The following AMD1 variants were observed in gnomAD, a reference collection of about 807,000 sequenced individuals.
AMD1 encodes the protein adenosylmethionine decarboxylase 1.
A neutral mutation model predicts 40.2 loss-of-function variants in AMD1; 11 were observed. The ratio of observed to expected loss-of-function variants is 0.27; its 90% CI spans 0.17 to 0.45. The LOEUF is 0.45. AMD1 is among the 20% of genes least tolerant of loss of function. AMD1 has a pLI of 1.00. For missense variants in AMD1, 257 were observed against 410.2 expected, an observed-to-expected ratio of 0.63 and a Z score of 3.23; for synonymous variants, 121 against 130.8, an observed-to-expected ratio of 0.93 and a Z score of 0.51.
chr6:110,819,477 ATG>A, the AMD1 span, among the ~76,000 whole-genome samples: 2 of 152,260 alleles, frequency 1.3e-5, no homozygotes, highest in Non-Finnish European at 2.9e-5. Context: ...AATTAATTAA[ATG>A]TGGGACTAAA....
chr6:110,859,528 C>G, the AMD1 span, among the ~76,000 whole-genome samples: 1 of 152,274 alleles, frequency 6.6e-6, no homozygotes, highest in East Asian at 1.9e-4. Flanking sequence ...TTTCTGTACC[C>G]GCAAAAGTTT....
chr6:110,870,127 C>T (rs1784888395), upstream of AMD1, among the ~76,000 whole-genome samples: 1 of 152,132 alleles, frequency 6.6e-6, no homozygotes, highest in Non-Finnish European at 1.5e-5. Context: ...GTTTAACAAC[C>T]GGTAAGTGTT....
At chr6:110,828,288 G>A in the AMD1 span, among the ~76,000 whole-genome samples, 3 of 151,972 alleles carry the variant, frequency 2.0e-5, no homozygotes, top group East Asian at 1.9e-4. Flanking sequence ...AAAATTAGCC[G>A]GGTATGGGTG....
At chr6:110,835,880 CA>C in the AMD1 span, among the ~76,000 whole-genome samples, 3 of 150,508 alleles carry the variant, frequency 2.0e-5, no homozygotes, top group Admixed American at 1.3e-4. Context: ...CCCCACCCCC[CA>C]AAAAAAATCA....
chr6:110,870,116 C>T (rs948162843), upstream of AMD1, among the ~76,000 whole-genome samples: 2 of 152,142 alleles, frequency 1.3e-5, no homozygotes, highest in African/African-American at 2.4e-5. Flanking sequence ...TGCTGGTAAA[C>T]GTTTAACAAC....
At chr6:110,875,590 G>T (rs1424099942) in intron 1 of AMD1, 3 of 172,604 alleles carry the variant, frequency 1.7e-5, no homozygotes, top group Non-Finnish European at 2.4e-5. Context: ...CCAGGTGGGG[G>T]TCGGGGGCGC....
chr6:110,857,765 G>GGT, the AMD1 span, among the ~76,000 whole-genome samples: 49 of 140,328 alleles, frequency 3.5e-4, no homozygotes, highest in Non-Finnish European at 4.0e-4. Context: ...ATATATAGAT[G>GGT]GTGTGTATAT....
chr6:110,893,967 A>G lies in AMD1; in HGVS notation c.*351A>G. The G allele has an allele frequency of 4.7e-6, 1 of 213,148 alleles. No homozygotes were observed. The highest frequency in any genetic ancestry group is 5.2e-5 in the Admixed American group (1 of 19,256). 13.2% of individuals were successfully genotyped at this position (213,148 alleles called of 1,614,324 possible). Reference sequence around the variant, plus strand: ...TAATATTTCTCCAAGTATCATCCAAAATTCCCCACAGACAAGGCTTTCGTC... The same window carrying G: ...TAATATTTCTCCAAGTATCATCCAAGATTCCCCACAGACAAGGCTTTCGTC... On this transcript the variant is annotated 3_prime_UTR_variant, in exon 9 of 9. Transcript: ENST00000368885.
intron 3 of AMD1, 21 bp downstream of exon 3, chr6:110,889,004 A>G (rs1303854998): frequency 6.2e-7 from 1 of 1,608,610 alleles, no homozygotes. Context: ...AAACATTTAA[A>G]TATTTTTCAG....
chr6:110,831,843 T>C, the AMD1 span, among the ~76,000 whole-genome samples: 1 of 152,070 alleles, frequency 6.6e-6, no homozygotes, highest in Non-Finnish European at 1.5e-5. Context: ...ATTCTTTTTT[T>C]AATTTATTTA....
At chr6:110,836,280 T>A in the AMD1 span, among the ~76,000 whole-genome samples, 99 of 152,218 alleles carry the variant, frequency 6.5e-4, 1 homozygote, top group Non-Finnish European at 2.6e-4. Context: ...GTTAAAAAAA[T>A]TTATGTATGA....
chr6:110,815,257 G>A, the AMD1 span: 1 of 1,022,344 alleles, frequency 9.8e-7, no homozygotes, highest in Non-Finnish European at 1.3e-6. Flanking sequence ...GCGCGCGCGC[G>A]CCGCCCGCCG....
intron 1 of AMD1, among the ~76,000 whole-genome samples, chr6:110,882,191 GCA>G (rs1785443451): frequency 6.6e-6 from 1 of 152,160 alleles, no homozygotes; most frequent in South Asian, 2.1e-4. Context: ...GTGTGCAGTG[GCA>G]CGATCTTGGC....
At chr6:110,830,800 G>A in the AMD1 span, among the ~76,000 whole-genome samples, 3 of 152,102 alleles carry the variant, frequency 2.0e-5, no homozygotes, top group Non-Finnish European at 2.9e-5. Context: ...TCTGCTCTGC[G>A]TCATCAATGC....
chr6:110,825,597 A>T, the AMD1 span, among the ~76,000 whole-genome samples: 1 of 152,206 alleles, frequency 6.6e-6, no homozygotes, highest in African/African-American at 2.4e-5. Flanking sequence ...CTCAGTAAGT[A>T]TAAGAGGGCT....
At chr6:110,841,559 T>C in the AMD1 span, among the ~76,000 whole-genome samples, 1 of 152,064 alleles carries the variant, frequency 6.6e-6, no homozygotes, top group African/African-American at 2.4e-5. Flanking sequence ...CTCTACCTAT[T>C]TAAGAAAATT....
the AMD1 span, chr6:110,858,248 A>G: frequency 2.1e-6 from 2 of 942,284 alleles, no homozygotes; most frequent in Non-Finnish European, 1.7e-6. Context: ...CATGAGCTCC[A>G]CGCAGTTCAA....
At chr6:110,886,752 G>A (rs1043151378) in intron 1 of AMD1, among the ~76,000 whole-genome samples, 3 of 152,186 alleles carry the variant, frequency 2.0e-5, no homozygotes, top group Non-Finnish European at 2.9e-5. Context: ...CAACCTGGGC[G>A]ACAGAGTGAG....
At chr6:110,842,318 AT>A in the AMD1 span, among the ~76,000 whole-genome samples, 31 of 152,352 alleles carry the variant, frequency 2.0e-4, no homozygotes, top group African/African-American at 6.7e-4. Context: ...GGGGGCAGAT[AT>A]GCTTACAGCA....
Sources: gnomAD v4.1 joint callset for allele counts (sites outside exome capture counted in the v4.1 genomes callset) on GRCh38, gnomAD v4.1.1 for gene constraint, MANE v1.5 for transcripts, NCBI Gene and HGNC (gene_info 2026-07-23, HGNC 2026-07-21) for gene names.